The following ABCA5 variants were observed in gnomAD, a reference collection of about 807,000 sequenced individuals.
The protein encoded by ABCA5 is cholesterol transporter ABCA5.
ABCA5 carries 163 observed loss-of-function variants against 206.0 expected under a neutral mutation model. The observed-to-expected ratio is 0.79, with a 90% confidence interval of 0.70 to 0.90. The LOEUF (loss-of-function observed/expected upper bound fraction) is 0.90, where lower values mean the gene tolerates loss of function less well. ABCA5 is among the 40% of genes least tolerant of loss of function. The probability of loss-of-function intolerance (pLI) is 0.00; values close to 1 mark genes in which losing one functional copy is unlikely to be tolerated. For synonymous variants in ABCA5, 609 were observed against 613.8 expected (o/e 0.99, Z 0.11); for missense variants, 1,859 against 1,912.9 (o/e 0.97, Z 0.53).
chr17:69,253,020 G>T (rs1188662748), intron 34 of ABCA5, among the ~76,000 whole-genome samples: 1 of 151,902 alleles, frequency 6.6e-6, no homozygotes, highest in East Asian at 1.9e-4. Flanking sequence ...TGTTACAACT[G>T]CCTACAGTAT....
chr17:69,305,436 G>T (rs1271600216), intron 6 of ABCA5, among the ~76,000 whole-genome samples: 5 of 152,154 alleles, frequency 3.3e-5, no homozygotes, highest in African/African-American at 9.7e-5. Context: ...CTGAGTTAAG[G>T]CTAAAAAGGT....
chr17:69,307,086 T>C, intron 5 of ABCA5, 132 bp from the exon 6 acceptor site: 1 of 429,920 alleles, frequency 2.3e-6, no homozygotes, highest in Non-Finnish European at 4.0e-6. Context: ...GCTCCATACC[T>C]GAAATAAAGT....
At chr17:69,256,664 C>A (rs188855593) in intron 28 of ABCA5, among the ~76,000 whole-genome samples, 1 of 152,020 alleles carries the variant, frequency 6.6e-6, no homozygotes, top group East Asian at 1.9e-4. Flanking sequence ...CCATGTTGCC[C>A]AGGCTGGTCT....
chr17:69,296,958 C>G (rs534486851), intron 10 of ABCA5, among the ~76,000 whole-genome samples: 14 of 152,278 alleles, frequency 9.2e-5, no homozygotes, highest in Admixed American at 2.6e-4. Flanking sequence ...GAGCGAGATT[C>G]TGTCTCAAAA....
rs1459786279 is a variant in ABCA5 at position 69,248,291 on chromosome 17, A to C, written c.4792T>G (p.Tyr1598Asp). 1.3e-6 allele frequency: 2 copies of C among 1,565,992 alleles called. No individual in the cohort carries two copies. Among genetic ancestry groups the C allele is most frequent in the Non-Finnish European group, 8.7e-7 (1 of 1,146,108 alleles). ...EAKHAFAIEE[Y>D]SFSQATLEQV... ...TCCAATGTTGCTTGAGAAAAGCTAT[A>C]TTCTTCAATGGCAAAAGCATGTTTA... is the stretch of plus-strand genomic sequence containing the variant. The change falls in exon 38 of 39, where the codon TAT becomes GAT. Residue 1598 changes from tyrosine to aspartate, a missense_variant. Tyr to Asp is a radical substitution (Grantham distance 160, BLOSUM62 -3). Coordinates refer to ENST00000392676, the MANE Select transcript of ABCA5 (RefSeq NM_172232.4).
chr17:69,323,160 T>C (rs2075877306), intron 1 of ABCA5, among the ~76,000 whole-genome samples: 1 of 152,138 alleles, frequency 6.6e-6, no homozygotes. Flanking sequence ...ATACATGAAA[T>C]TCCTTCCTTA....
chr17:69,250,272 G>A (rs963674736), intron 36 of ABCA5, among the ~76,000 whole-genome samples, 200 bp downstream of exon 36: 1 of 151,596 alleles, frequency 6.6e-6, no homozygotes, highest in Non-Finnish European at 1.5e-5. Context: ...TGATAATACA[G>A]AGAGAGATAT....
At chr17:69,295,448 A>G (rs2075575046) in intron 10 of ABCA5, among the ~76,000 whole-genome samples, 1 of 152,206 alleles carries the variant, frequency 6.6e-6, no homozygotes, top group South Asian at 2.1e-4. Context: ...GGAGAGATGA[A>G]CAGCTCACAA....
At chr17:69,296,033 TA>T (rs1209714961) in intron 10 of ABCA5, among the ~76,000 whole-genome samples, 4 of 152,208 alleles carry the variant, frequency 2.6e-5, no homozygotes, top group African/African-American at 9.6e-5. Context: ...CTTCTAAAAC[TA>T]AGTGAAGAAT....
At chr17:69,314,247 C>A (rs893875314) in intron 2 of ABCA5, 67 bp downstream of exon 2, 1 of 897,462 alleles carries the variant, frequency 1.1e-6, no homozygotes, top group Non-Finnish European at 1.7e-6. Flanking sequence ...TAAATCATCA[C>A]TTCAAGATAG....
At chr17:69,295,635 G>A (rs2075576847) in intron 10 of ABCA5, among the ~76,000 whole-genome samples, 2 of 152,044 alleles carry the variant, frequency 1.3e-5, no homozygotes, top group South Asian at 4.2e-4. Flanking sequence ...TCTCAACTGG[G>A]CATTGGCATA....
chr17:69,261,890 G>A (rs1056050442), intron 24 of ABCA5, 142 bp from the exon 25 acceptor site: 1 of 398,072 alleles, frequency 2.5e-6, no homozygotes, highest in Non-Finnish European at 4.5e-6. Context: ...GTAGTTTTTT[G>A]TACCAAGTAA....
At position 69,259,800 on chromosome 17, in the gene ABCA5, A is replaced by G; in HGVS notation, c.3640-3T>C. 2 of 1,563,872 alleles carry G rather than the reference A, an allele frequency of 1.3e-6. No individual in the cohort carries two copies. Among genetic ancestry groups the G allele is most frequent in the Non-Finnish European group, 1.7e-6 (2 of 1,148,096 alleles). On this transcript the variant is annotated splice_region_variant and splice_polypyrimidine_tract_variant and intron_variant, in intron 27 of 38. Coordinates refer to ENST00000392676, the MANE Select transcript of ABCA5 (RefSeq NM_172232.4). ...CACAGTACACACTGCAGGTAAGGCT[A>G]AAAGAAGAACATGTAGCAGCTCATG...
intron 22 of ABCA5, 32 bp from the exon 23 acceptor site, chr17:69,268,088 C>A: frequency 1.0e-6 from 1 of 1,001,430 alleles, no homozygotes; most frequent in South Asian, 1.3e-5. Flanking sequence ...ACAAATGGAA[C>A]TGAGAATCAT....
chr17:69,270,560 T>C, intron 22 of ABCA5, 53 bp downstream of exon 22: 1 of 1,462,416 alleles, frequency 6.8e-7, no homozygotes. Context: ...TTTTAATGGT[T>C]ATTATATATA....
In ABCA5 at chr17:69,309,445, T is replaced by C. The variant is rs775037846; in HGVS notation, c.308-22A>G. On this transcript the variant is annotated intron_variant, in intron 3 of 38. Transcript: ENST00000392676. ...ATGACTGTAAGATATCATAACAATA[T>C]AGTTAGCTCACAAATTAAAATACCA... 1.0e-5 allele frequency: 15 copies of C among 1,464,774 alleles called. No homozygotes were observed. In the South Asian group the frequency reaches 1.6e-4, roughly 16 times the overall value. 90.7% of individuals were successfully genotyped at this position (1,464,774 alleles called of 1,614,324 possible).
chr17:69,255,387 A>T (rs1219404239), intron 31 of ABCA5, among the ~76,000 whole-genome samples, 156 bp downstream of exon 31: 1 of 152,216 alleles, frequency 6.6e-6, no homozygotes, highest in Non-Finnish European at 1.5e-5. Context: ...TTATTTTTAC[A>T]GATAACCCAA....
chr17:69,270,572 G>A, intron 22 of ABCA5, 41 bp downstream of exon 22: 2 of 1,508,794 alleles, frequency 1.3e-6, no homozygotes, highest in Non-Finnish European at 1.8e-6. Context: ...TTATATATAT[G>A]ACATGCATAT....
At position 69,256,237 on chromosome 17, in the gene ABCA5, CT is replaced by C. The variant is rs1567751369; in HGVS notation, c.3777del (p.Asp1260ThrfsTer14). ...ACATCTTCATCTTCATCCTCATTGT[CT>C]GGTGGTTCTGGAAGCTTCCTATTTT... ...KSKNRKLPEPPDNEDEDEDVK... is the reference protein window; with the variant it reads ...KSKNRKLPEPXDNEDEDEDVK... On this transcript the variant is annotated frameshift_variant, in exon 29 of 39. Coordinates refer to ENST00000392676, the MANE Select transcript of ABCA5 (RefSeq NM_172232.4). LOFTEE classifies it high-confidence loss of function. The C allele has an allele frequency of 6.2e-7, 1 of 1,609,020 alleles. No homozygotes were observed. Among genetic ancestry groups the C allele is most frequent in the Admixed American group, 1.7e-5 (1 of 59,764 alleles).
Sources: gnomAD v4.1 joint callset for allele counts (sites outside exome capture counted in the v4.1 genomes callset) on GRCh38, gnomAD v4.1.1 for gene constraint, MANE v1.5 for transcripts, NCBI Gene and HGNC (gene_info 2026-07-23, HGNC 2026-07-21) for gene names.